PARP4: variants seen among roughly 807,000 people sequenced by gnomAD.
PARP4 encodes poly(ADP-ribose) polymerase family member 4.
In PARP4, 120 loss-of-function variants were observed where a neutral mutation model predicts 187.7. The observed-to-expected ratio is 0.64, with a 90% CI of 0.55 to 0.74. The LOEUF (loss-of-function observed/expected upper bound fraction) is 0.74, where lower values mean the gene tolerates loss of function less well. Ranked by LOEUF, PARP4 falls within the 30% of genes least tolerant of loss-of-function variation. The pLI, the probability that PARP4 is intolerant of heterozygous loss-of-function variation, is 0.00. For missense variants in PARP4, 1,836 were observed against 2,070.5 expected (o/e 0.89, Z 2.20); for synonymous variants, 654 against 740.9 (o/e 0.88, Z 1.90).
intron 10 of PARP4, among the ~76,000 whole-genome samples, chr13:24,487,654 G>A (rs1828206108): frequency 6.6e-6 from 1 of 152,162 alleles, no homozygotes; most frequent in Non-Finnish European, 1.5e-5. Context: ...GTACGGCTGA[G>A]GGCAGCTGTG....
intron 30 of PARP4, among the ~76,000 whole-genome samples, chr13:24,438,643 C>T (rs1437269048): frequency 6.6e-6 from 1 of 152,214 alleles, no homozygotes; most frequent in African/African-American, 2.4e-5. Context: ...GTGCAGAAGA[C>T]ACTGCGCCTA....
At chr13:24,468,747 A>C (rs1336908375) in intron 17 of PARP4, among the ~76,000 whole-genome samples, 1 of 152,040 alleles carries the variant, frequency 6.6e-6, no homozygotes, top group Non-Finnish European at 1.5e-5. Context: ...ATATACCTCA[A>C]ATGTTATCTT....
intron 21 of PARP4, among the ~76,000 whole-genome samples, chr13:24,455,694 T>TTCAACC (rs141371401): frequency 0.11 from 16,279 of 146,156 alleles, 1,061 homozygotes; most frequent in African/African-American, 0.14. Flanking sequence ...CACAGCTCAG[T>TTCAACC]TCAACCTCAA....
chr13:24,500,618 T>G (rs1489063399), intron 3 of PARP4, among the ~76,000 whole-genome samples: 1 of 152,242 alleles, frequency 6.6e-6, no homozygotes, highest in East Asian at 1.9e-4. Flanking sequence ...TGTTATTATT[T>G]GAAACTCATT....
At chr13:24,431,508 G>A (rs765550178) in intron 31 of PARP4, 32 bp from the exon 32 acceptor site, 61 of 1,363,498 alleles carry the variant, frequency 4.5e-5, no homozygotes, top group Non-Finnish European at 5.9e-5. Flanking sequence ...AATAAGTTAT[G>A]TTATTCACAT....
At chr13:24,499,909 T>C (rs1043108861) in intron 4 of PARP4, among the ~76,000 whole-genome samples, 10 of 152,324 alleles carry the variant, frequency 6.6e-5, no homozygotes, top group Admixed American at 3.3e-4. Context: ...AGAAACCATA[T>C]AGAACTTTAG....
chr13:24,436,028 A>T (rs1426051559), intron 30 of PARP4, among the ~76,000 whole-genome samples: 1 of 152,084 alleles, frequency 6.6e-6, no homozygotes, highest in Admixed American at 6.6e-5. Flanking sequence ...ACCTGGAGAG[A>T]ATATCAGCAA....
intron 30 of PARP4, 122 bp from the exon 31 acceptor site, chr13:24,435,596 G>A: frequency 1.0e-6 from 1 of 1,003,670 alleles, no homozygotes; most frequent in Admixed American, 2.5e-5. Context: ...CCAGAATCAG[G>A]ATCATCAATG....
At chr13:24,462,935 C>T (rs1872282321) in intron 17 of PARP4, among the ~76,000 whole-genome samples, 1 of 152,008 alleles carries the variant, frequency 6.6e-6, no homozygotes, top group African/African-American at 2.4e-5. Flanking sequence ...GTATTGAAGT[C>T]TCAGAAGGAG....
At chr13:24,446,524 T>C (rs1410483835) in intron 27 of PARP4, among the ~76,000 whole-genome samples, 157 bp downstream of exon 27, 1 of 152,020 alleles carries the variant, frequency 6.6e-6, no homozygotes, top group Non-Finnish European at 1.5e-5. Flanking sequence ...AAAAAAAATT[T>C]CATAATGTTT....
intron 1 of PARP4, among the ~76,000 whole-genome samples, chr13:24,510,117 GACTTTC>G (rs1869917765): frequency 6.6e-6 from 1 of 151,930 alleles, no homozygotes; most frequent in African/African-American, 2.4e-5. Context: ...TTTTAAATAG[GACTTTC>G]ACTTTCACAG....
intron 17 of PARP4, among the ~76,000 whole-genome samples, chr13:24,462,743 C>G (rs1329630050): frequency 6.6e-6 from 1 of 152,142 alleles, no homozygotes; most frequent in African/African-American, 2.4e-5. Context: ...TAGAAACAAA[C>G]ACATTATCAA....
intron 17 of PARP4, among the ~76,000 whole-genome samples, chr13:24,466,335 C>T (rs138449754): frequency 1.9e-3 from 286 of 152,238 alleles, no homozygotes; most frequent in African/African-American, 6.7e-3. Context: ...GCATGCATCA[C>T]CACACCCAGC....
At chr13:24,494,240 G>C (rs911148214) in intron 7 of PARP4, among the ~76,000 whole-genome samples, 1 of 152,182 alleles carries the variant, frequency 6.6e-6, no homozygotes, top group Non-Finnish European at 1.5e-5. Context: ...GTATTGCCCA[G>C]GTTGGGGTGC....
rs1384265984 is a variant in PARP4 at position 24,446,662 on chromosome 13, T to C, written c.3366+19A>G. 1 of 1,447,480 alleles carries C rather than the reference T, an allele frequency of 6.9e-7. No homozygotes were observed. The allele number at this position is 1,447,480 out of a possible 1,614,324, so 89.7% of individuals were successfully genotyped here. Reference sequence around the variant, plus strand: ...TAACTTTCAAACAATGGGTTGATAGTTTAGGTTTTGAATCTTACAGTTCCA... The same window carrying C: ...TAACTTTCAAACAATGGGTTGATAGCTTAGGTTTTGAATCTTACAGTTCCA... On this transcript the variant is annotated intron_variant, in intron 27 of 33. Transcript: ENST00000381989.
rs765004445 is a variant in PARP4, at chr13:24,477,735, G to A, written c.1755C>T (p.Tyr585=). 6.3e-7 allele frequency: 1 copy of A among 1,590,918 alleles called. No individual in the cohort carries two copies. Among genetic ancestry groups the A allele is most frequent in the Non-Finnish European group, 8.6e-7 (1 of 1,167,496 alleles). The change falls in exon 14 of 34, where the codon TAC becomes TAT. Residue 585 remains tyrosine (Y), a synonymous_variant. Coordinates refer to ENST00000381989, the MANE Select transcript of PARP4 (RefSeq NM_006437.4). ...TTGAAAAATTTGAAAACTCAGGTCTGTATTCCTCTAATTCAGTATGATCAC... is the reference window on the plus strand; with the variant it reads ...TTGAAAAATTTGAAAACTCAGGTCTATATTCCTCTAATTCAGTATGATCAC... The part of the protein sequence containing the change: ...HPSDHTELEE[Y]RPEFSNFSKV...
At chr13:24,458,722 G>A (rs896932362) in intron 20 of PARP4, among the ~76,000 whole-genome samples, 3 of 152,146 alleles carry the variant, frequency 2.0e-5, no homozygotes. Flanking sequence ...TAGTGAGTTA[G>A]GTGGGTGGAG....
At chr13:24,487,712 G>A (rs1387621855) in intron 10 of PARP4, among the ~76,000 whole-genome samples, 2 of 152,090 alleles carry the variant, frequency 1.3e-5, no homozygotes, top group African/African-American at 2.4e-5. Flanking sequence ...GTGGCCTCAG[G>A]TCAGCACCTT....
At chr13:24,447,320 G>C (rs1490797396) in intron 25 of PARP4, 134 bp from the exon 26 acceptor site, 2 of 517,778 alleles carry the variant, frequency 3.9e-6, no homozygotes, top group Non-Finnish European at 6.4e-6. Flanking sequence ...TCCTGCTACA[G>C]GGTACTTTCC....
Sources: allele counts gnomAD v4.1 joint callset (sites outside exome capture counted in the v4.1 genomes callset), GRCh38; gene constraint gnomAD v4.1.1; transcripts MANE v1.5; gene names NCBI Gene and HGNC (gene_info 2026-07-23, HGNC 2026-07-21).